ARMC2: variants seen among roughly 807,000 people sequenced by gnomAD.
ARMC2 encodes the protein armadillo repeat containing 2.
In ARMC2, 67 loss-of-function variants were observed where a neutral mutation model predicts 90.3. The ratio of observed to expected loss-of-function variants is 0.74; its 90% CI spans 0.61 to 0.91. The LOEUF (loss-of-function observed/expected upper bound fraction) is 0.91. Among genes scored for constraint, ARMC2 ranks in the 40% least tolerant of loss-of-function variants. The pLI, the probability that ARMC2 is intolerant of heterozygous loss-of-function variation, is 0.00. For synonymous variants in ARMC2, 393 were observed against 393.0 expected, an observed-to-expected ratio of 1.00 and a Z score of 0.00; for missense variants, 920 against 1,030.9, an observed-to-expected ratio of 0.89 and a Z score of 1.47.
At chr6:108,851,822 G>T (rs1045626797) in intron 1 of ARMC2, among the ~76,000 whole-genome samples, 4 of 152,170 alleles carry the variant, frequency 2.6e-5, no homozygotes, top group African/African-American at 4.8e-5. Flanking sequence ...CAAAATTGTT[G>T]TGGGGTTAAT....
intron 12 of ARMC2, among the ~76,000 whole-genome samples, chr6:108,948,744 C>G (rs543931479): frequency 6.6e-6 from 1 of 151,362 alleles, no homozygotes; most frequent in Non-Finnish European, 1.5e-5. Context: ...ATGACAGAAT[C>G]GAAGAATTTT....
chr6:108,981,318 A>G, the ARMC2 span, among the ~76,000 whole-genome samples: 5 of 152,162 alleles, frequency 3.3e-5, no homozygotes, highest in Non-Finnish European at 7.4e-5. Context: ...CTACTTAAAC[A>G]AAACCTGTGA....
the ARMC2 span, among the ~76,000 whole-genome samples, chr6:109,049,467 T>C: frequency 6.6e-6 from 1 of 152,096 alleles, no homozygotes; most frequent in Non-Finnish European, 1.5e-5. Context: ...TAGTGTTCCA[T>C]AGCAATGTAG....
the ARMC2 span, among the ~76,000 whole-genome samples, chr6:109,019,125 A>G: frequency 6.6e-6 from 1 of 152,216 alleles, no homozygotes; most frequent in African/African-American, 2.4e-5. Context: ...GATACTATAT[A>G]CATCAGAATT....
intron 7 of ARMC2, 89 bp from the exon 8 acceptor site, chr6:108,904,141 G>A (rs1772426065): frequency 7.1e-7 from 1 of 1,399,494 alleles, no homozygotes; most frequent in Non-Finnish European, 9.8e-7. Context: ...AAATAATTAT[G>A]GGGTTTTTAC....
chr6:108,923,976 C>T (rs1583133055), intron 10 of ARMC2: 3 of 152,152 alleles, frequency 2.0e-5, no homozygotes, highest in African/African-American at 7.2e-5. Flanking sequence ...AGTAGCTGAA[C>T]ATTTAAGAGC....
chr6:108,868,727 C>A (rs1776082663), intron 3 of ARMC2, 97 bp from the exon 4 acceptor site: 2 of 1,108,626 alleles, frequency 1.8e-6, no homozygotes, highest in Admixed American at 2.5e-5. Flanking sequence ...GGCAGATAGG[C>A]CTTGTGCTCT....
At chr6:108,984,101 A>AATC in the ARMC2 span, among the ~76,000 whole-genome samples, 5 of 152,270 alleles carry the variant, frequency 3.3e-5, no homozygotes, top group African/African-American at 9.6e-5. Flanking sequence ...TCCTTGTAAG[A>AATC]ATCTAATACC....
intron 4 of ARMC2, among the ~76,000 whole-genome samples, chr6:108,872,527 G>A (rs1022776334): frequency 6.6e-6 from 1 of 152,156 alleles, no homozygotes. Flanking sequence ...CTGCTCACTG[G>A]GGTGCTGTGA....
At chr6:108,860,458 C>T (rs1282375244) in intron 3 of ARMC2, among the ~76,000 whole-genome samples, 2 of 151,842 alleles carry the variant, frequency 1.3e-5, no homozygotes, top group East Asian at 1.9e-4. Flanking sequence ...GTCAGGAGAC[C>T]GAGACCATCC....
the ARMC2 span, among the ~76,000 whole-genome samples, chr6:108,983,757 G>A: frequency 6.6e-6 from 1 of 152,208 alleles, no homozygotes; most frequent in African/African-American, 2.4e-5. Flanking sequence ...TTTTGGCATG[G>A]AATTCTCTAC....
At chr6:109,049,460 T>C in the ARMC2 span, among the ~76,000 whole-genome samples, 1 of 152,142 alleles carries the variant, frequency 6.6e-6, no homozygotes, top group Non-Finnish European at 1.5e-5. Context: ...TAAGTTCTAG[T>C]GTTCCATAGC....
rs1024586337 is a variant in ARMC2 at position 108,894,492 on chromosome 6, G to C, written c.697G>C (p.Ala233Pro). The C allele has an allele frequency of 6.2e-7, 1 of 1,611,354 alleles. No individual in the cohort carries two copies. The highest frequency in any genetic ancestry group is 1.3e-5 in the African/African-American group (1 of 74,622). The change falls in exon 6 of 18, where the codon GCC (alanine) becomes CCC (proline). Residue 233 changes from alanine (A) to proline (P), a missense_variant. Coordinates refer to ENST00000392644, the MANE Select transcript of ARMC2 (RefSeq NM_032131.6). ...GGDQGKRHAR[A>P]SSCPSSSDLS... ...GGACCAGGGGAAGAGACATGCGAGGGCCTCATCATGCCCCAGTAGCTCAGA... is the reference window on the plus strand; with the variant it reads ...GGACCAGGGGAAGAGACATGCGAGGCCCTCATCATGCCCCAGTAGCTCAGA...
the ARMC2 span, among the ~76,000 whole-genome samples, chr6:109,018,287 A>G: frequency 6.6e-6 from 1 of 152,258 alleles, no homozygotes; most frequent in Non-Finnish European, 1.5e-5. Flanking sequence ...GTTACCAGTA[A>G]TAATTCAGTT....
intron 2 of ARMC2, 70 bp downstream of exon 2, chr6:108,854,555 C>T: frequency 1.8e-5 from 26 of 1,426,386 alleles, no homozygotes; most frequent in Non-Finnish European, 2.3e-5. Flanking sequence ...CTTAATTCTA[C>T]TTAAGGTTAG....
intron 5 of ARMC2, among the ~76,000 whole-genome samples, chr6:108,884,454 A>G (rs1274719947): frequency 6.6e-6 from 1 of 152,228 alleles, no homozygotes; most frequent in Non-Finnish European, 1.5e-5. Context: ...AGGTATACTG[A>G]AAATTTAGAG....
intron 6 of ARMC2, among the ~76,000 whole-genome samples, chr6:108,897,005 T>C (rs1358986884): frequency 1.3e-5 from 2 of 152,244 alleles, no homozygotes; most frequent in Admixed American, 6.5e-5. Flanking sequence ...TCCACAAATA[T>C]GAGCAAGTAT....
At chr6:109,041,030 G>A in the ARMC2 span, among the ~76,000 whole-genome samples, 2 of 151,868 alleles carry the variant, frequency 1.3e-5, no homozygotes, top group Non-Finnish European at 2.9e-5. Context: ...GCCAGGCACA[G>A]TGGCTCATGC....
At chr6:108,932,857 A>C (rs901617550) in intron 11 of ARMC2, among the ~76,000 whole-genome samples, 3 of 151,986 alleles carry the variant, frequency 2.0e-5, no homozygotes, top group Non-Finnish European at 4.4e-5. Flanking sequence ...AGCTTTGTTG[A>C]AGATCATGTG....
Sources: gnomAD v4.1 joint callset for allele counts (sites outside exome capture counted in the v4.1 genomes callset) on GRCh38, gnomAD v4.1.1 for gene constraint, MANE v1.5 for transcripts, NCBI Gene and HGNC (gene_info 2026-07-23, HGNC 2026-07-21) for gene names.